MAPKAP1: variants seen among roughly 807,000 people sequenced by gnomAD.
MAPKAP1 encodes the protein target of rapamycin complex 2 subunit MAPKAP1.
MAPKAP1 carries 20 observed loss-of-function variants against 65.7 expected under a neutral mutation model. The ratio of observed to expected loss-of-function variants is 0.30; its 90% confidence interval spans 0.21 to 0.44. The LOEUF is 0.44. Among genes scored for constraint, MAPKAP1 ranks in the 20% least tolerant of loss-of-function variants. MAPKAP1 has a pLI of 1.00. For missense variants in MAPKAP1, 423 were observed against 648.0 expected (o/e 0.65, Z 3.77); for synonymous variants, 222 against 244.3 (o/e 0.91, Z 0.85).
At chr9:125,637,683 G>A (rs1833464110) in intron 4 of MAPKAP1, among the ~76,000 whole-genome samples, 1 of 152,104 alleles carries the variant, frequency 6.6e-6, no homozygotes, top group African/African-American at 2.4e-5. Flanking sequence ...TAGAAAACAA[G>A]AATAAAAAAA....
chr9:125,473,049 T>C (rs1853977451), intron 9 of MAPKAP1, among the ~76,000 whole-genome samples: 1 of 152,098 alleles, frequency 6.6e-6, no homozygotes, highest in Non-Finnish European at 1.5e-5. Context: ...AGTGAAAGAA[T>C]GCTTCCTTCT....
At chr9:125,680,192 T>C (rs761283774) in intron 1 of MAPKAP1, among the ~76,000 whole-genome samples, 2 of 151,948 alleles carry the variant, frequency 1.3e-5, no homozygotes, top group Admixed American at 6.6e-5. Flanking sequence ...AAACGTGTCA[T>C]AGGAACACTC....
intron 4 of MAPKAP1, among the ~76,000 whole-genome samples, chr9:125,608,985 T>C (rs1487391615): frequency 6.6e-6 from 1 of 152,146 alleles, no homozygotes; most frequent in Non-Finnish European, 1.5e-5. Flanking sequence ...AATACTGCCC[T>C]ACAGTGGAGC....
intron 3 of MAPKAP1, among the ~76,000 whole-genome samples, chr9:125,666,723 T>A (rs1235306455): frequency 1.3e-5 from 2 of 152,136 alleles, no homozygotes; most frequent in African/African-American, 4.8e-5. Flanking sequence ...GAGAGTACGT[T>A]TGTGGGAGAT....
chr9:125,504,891 C>T (rs1829092823), intron 8 of MAPKAP1, among the ~76,000 whole-genome samples: 1 of 152,136 alleles, frequency 6.6e-6, no homozygotes, highest in Non-Finnish European at 1.5e-5. Flanking sequence ...TAAAGATCTA[C>T]CATTCATTCA....
intron 7 of MAPKAP1, among the ~76,000 whole-genome samples, chr9:125,507,907 C>T (rs1478100531): frequency 5.3e-5 from 8 of 152,016 alleles, no homozygotes; most frequent in Non-Finnish European, 2.9e-5. Context: ...GGCATGGTAG[C>T]CCCCTTAGCG....
chr9:125,540,501 G>C (rs2133163411), intron 7 of MAPKAP1, among the ~76,000 whole-genome samples: 1 of 152,304 alleles, frequency 6.6e-6, no homozygotes, highest in South Asian at 2.1e-4. Context: ...TGTGTATTTT[G>C]ATTTGAACTG....
At chr9:125,510,680 A>G (rs1829269955) in intron 7 of MAPKAP1, among the ~76,000 whole-genome samples, 1 of 152,248 alleles carries the variant, frequency 6.6e-6, no homozygotes, top group South Asian at 2.1e-4. Context: ...CAAGGGACCA[A>G]TGGGTAACAA....
intron 1 of MAPKAP1, among the ~76,000 whole-genome samples, chr9:125,688,049 A>G (rs1835037689): frequency 6.6e-6 from 1 of 152,236 alleles, no homozygotes; most frequent in African/African-American, 2.4e-5. Flanking sequence ...TCATAATCTC[A>G]ATAAATGATA....
intron 5 of MAPKAP1, among the ~76,000 whole-genome samples, chr9:125,581,854 G>A (rs1831636137): frequency 6.6e-6 from 1 of 151,352 alleles, no homozygotes; most frequent in African/African-American, 2.4e-5. Flanking sequence ...AAAAAAAAAA[G>A]TCTCTTCTTC....
At position 125,447,331 on chromosome 9, in the gene MAPKAP1, G is replaced by A. The variant is rs1338231375; in HGVS notation, c.1346-2733C>T. The A allele has an allele frequency of 4.4e-6, 2 of 452,078 alleles. No homozygotes were observed. Among genetic ancestry groups the A allele is most frequent in the Middle Eastern group, 6.5e-4 (2 of 3,080 alleles). The allele number at this position is 452,078 out of a possible 1,614,324, so 28.0% of individuals were successfully genotyped here. A position where few individuals can be genotyped will look rare whatever the true frequency, so the allele number is the denominator to read the frequency against. On this transcript the variant is annotated intron_variant, in intron 10 of 11. Transcript: ENST00000265960. The surrounding 1 kb of genome is among the most constrained non-coding windows in gnomAD (Gnocchi z 4.5). ...TTCCAGTGAAAGCACTCACGCCATA[G>A]GAGAGGGGAACAGAGGGCAGAGAAC...
chr9:125,620,196 C>A (rs1225877863), intron 4 of MAPKAP1, among the ~76,000 whole-genome samples: 1 of 152,168 alleles, frequency 6.6e-6, no homozygotes, highest in East Asian at 1.9e-4. Flanking sequence ...GTAATCCCAG[C>A]TACTCTGAAG....
chr9:125,535,285 C>T (rs2133149532), intron 7 of MAPKAP1, among the ~76,000 whole-genome samples: 1 of 152,310 alleles, frequency 6.6e-6, no homozygotes, highest in South Asian at 2.1e-4. Context: ...AAATAAATCA[C>T]CCCAGAGCAT....
intron 4 of MAPKAP1, among the ~76,000 whole-genome samples, chr9:125,617,319 G>A (rs1832774053): frequency 1.3e-5 from 2 of 152,146 alleles, no homozygotes; most frequent in South Asian, 4.1e-4. Context: ...TAATTAGCCA[G>A]GCGTGGTGGC....
intron 3 of MAPKAP1, among the ~76,000 whole-genome samples, chr9:125,668,332 T>G (rs913088414): frequency 6.6e-6 from 1 of 152,194 alleles, no homozygotes; most frequent in Non-Finnish European, 1.5e-5. Context: ...CAACGATACC[T>G]ACACCTTGCA....
chr9:125,483,067 C>CT (rs1283593216), intron 9 of MAPKAP1, among the ~76,000 whole-genome samples: 4 of 152,218 alleles, frequency 2.6e-5, no homozygotes, highest in African/African-American at 9.6e-5. Flanking sequence ...AGTGAGCCCT[C>CT]TGAGCACCAC....
At chr9:125,444,635 G>T in intron 10 of MAPKAP1, 37 bp from the exon 11 acceptor site, 2 of 1,480,264 alleles carry the variant, frequency 1.4e-6, no homozygotes, top group Non-Finnish European at 1.9e-6. Context: ...GGGTTCTGGT[G>T]AGTTAACTAT....
chr9:125,653,515 G>A (rs562182116), intron 4 of MAPKAP1, among the ~76,000 whole-genome samples: 4 of 152,180 alleles, frequency 2.6e-5, no homozygotes, highest in Non-Finnish European at 4.4e-5. Flanking sequence ...TCTCACATGA[G>A]GGCCTTGTGA....
At chr9:125,633,538 G>A (rs1833345415) in intron 4 of MAPKAP1, among the ~76,000 whole-genome samples, 1 of 152,110 alleles carries the variant, frequency 6.6e-6, no homozygotes, top group Non-Finnish European at 1.5e-5. Flanking sequence ...TTCTGATGAC[G>A]AATCCACCAC....
Sources: gnomAD v4.1 joint callset for allele counts (sites outside exome capture counted in the v4.1 genomes callset) on GRCh38, gnomAD v4.1.1 for gene constraint, Gnocchi (gnomAD v3.1) non-coding constraint, MANE v1.5 for transcripts, NCBI Gene and HGNC (gene_info 2026-07-23, HGNC 2026-07-21) for gene names.